FKRP: variants seen among roughly 807,000 people sequenced by gnomAD.
FKRP encodes ribitol 5-phosphate transferase FKRP.
In FKRP, 25 loss-of-function variants were observed where a neutral mutation model predicts 30.6. The ratio of observed to expected loss-of-function variants is 0.82; its 90% CI spans 0.60 to 1.14. The LOEUF is 1.14. FKRP is among the 50% of genes most tolerant of loss of function. FKRP has a pLI of 0.00. For synonymous variants in FKRP, 358 were observed against 342.5 expected, an observed-to-expected ratio of 1.05 and a Z score of -0.50; for missense variants, 771 against 727.8, an observed-to-expected ratio of 1.06 and a Z score of -0.68.
chr19:46,756,761 G>T lies in FKRP; in HGVS notation c.1311G>T (p.Gln437His). Residue 437 changes from glutamine to histidine, a missense_variant, in exon 4 of 4, where the codon CAG becomes CAT. Physicochemically the swap from Gln to His is conservative, Grantham distance 24. Coordinates refer to ENST00000318584, the MANE Select transcript of FKRP (RefSeq NM_024301.5). The surrounding 1 kb of genome is among the most constrained non-coding windows in gnomAD (Gnocchi z 6.6). Reference protein sequence around the residue: ...MTKDTWLDHRQDVEFPEHFLQ... With the variant: ...MTKDTWLDHRHDVEFPEHFLQ... Reference sequence around the variant, plus strand: ...AGGACACGTGGCTGGACCACCGGCAGGATGTGGAGTTTCCCGAGCACTTCC... The same window carrying T: ...AGGACACGTGGCTGGACCACCGGCATGATGTGGAGTTTCCCGAGCACTTCC... 1 of 1,605,936 alleles carries T rather than the reference G, an allele frequency of 6.2e-7. No individual in the cohort carries two copies. Among genetic ancestry groups the T allele is most frequent in the Non-Finnish European group, 8.5e-7 (1 of 1,176,680 alleles).
At chr19:46,747,417 G>C (rs1408096765) in intron 1 of FKRP, 3 of 128,798 alleles carry the variant, frequency 2.3e-5, no homozygotes, top group African/African-American at 9.1e-5. Context: ...TTTTGAGACA[G>C]AGTGTAACTC....
chr19:46,756,240 C>T lies in FKRP; in HGVS notation c.790C>T (p.Arg264Trp). 2 of 1,442,090 alleles carry T rather than the reference C, an allele frequency of 1.4e-6. No individual in the cohort carries two copies. The highest frequency in any genetic ancestry group is 9.1e-7 in the Non-Finnish European group (1 of 1,103,298). The allele number at this position is 1,442,090 out of a possible 1,614,324, so 89.3% of individuals were successfully genotyped here. ...GAAGGCTGAGCGCGAGGGACGCGCT[C>T]GGCGGGCGGCGCTGCTCCGCGCGCT... ...RWKAEREGRARRAALLRALGI... is the reference protein window; with the variant it reads ...RWKAEREGRAWRAALLRALGI... The change falls in exon 4 of 4, where the codon CGG (arginine) becomes TGG (tryptophan). Residue 264 changes from arginine to tryptophan, a missense_variant. Physicochemically the swap from Arg to Trp is moderately radical, Grantham distance 101. Coordinates refer to ENST00000318584, the MANE Select transcript of FKRP (RefSeq NM_024301.5). The surrounding 1 kb of genome is among the most constrained non-coding windows in gnomAD (Gnocchi z 6.6).
At chr19:46,746,171 T>C in intron 1 of FKRP, 81 bp downstream of exon 1, 1 of 1,532,660 alleles carries the variant, frequency 6.5e-7, no homozygotes, top group Non-Finnish European at 8.7e-7. Context: ...GCGCTCGGCC[T>C]CCCAGCGGGC....
chr19:46,757,023 T>C lies in FKRP; in HGVS notation c.*85T>C. ...GTGAGCGGTGAGGGGTGGAGGGATG[T>C]CGCGGAGAGGGGAAGGGGGAAACTG... On this transcript the variant is annotated 3_prime_UTR_variant, in exon 4 of 4. Coordinates refer to ENST00000318584, the MANE Select transcript of FKRP (RefSeq NM_024301.5). 6.5e-7 allele frequency: 1 copy of C among 1,548,056 alleles called. No individual in the cohort carries two copies. The highest frequency in any genetic ancestry group is 8.8e-7 in the Non-Finnish European group (1 of 1,131,226).
chr19:46,753,118 C>T (rs373773792), intron 3 of FKRP, among the ~76,000 whole-genome samples: 5 of 145,104 alleles, frequency 3.4e-5, no homozygotes, highest in Admixed American at 6.9e-5. Flanking sequence ...GTGAGCCAGT[C>T]GCACCACCGC....
chr19:46,756,748 T>C lies in FKRP; in HGVS notation c.1298T>C (p.Leu433Pro), dbSNP rs766343049. The C allele has an allele frequency of 1.9e-6, 3 of 1,607,838 alleles. No individual in the cohort carries two copies. The highest frequency in any genetic ancestry group is 1.3e-5 in the African/African-American group (1 of 74,840). Residue 433 changes from leucine (L) to proline (P), a missense_variant, in exon 4 of 4, where the codon CTG becomes CCG. Physicochemically the swap from Leu to Pro is moderately conservative, Grantham distance 98. Transcript: ENST00000318584. This position sits in a 1 kb window ranked among gnomAD's most constrained non-coding sequence, Gnocchi z 6.6. ...GGCGTCATGACCAAGGACACGTGGC[T>C]GGACCACCGGCAGGATGTGGAGTTT... ...RNGVMTKDTW[L>P]DHRQDVEFPE...
At chr19:46,754,040 C>G (rs913840770) in intron 3 of FKRP, 1 of 152,158 alleles carries the variant, frequency 6.6e-6, no homozygotes, top group South Asian at 2.1e-4. Flanking sequence ...TCTTTTGATG[C>G]AAGCTACCCC....
Position 46,756,507 on chromosome 19 carries a change from C to T in FKRP, c.1057C>T (p.His353Tyr), listed in dbSNP as rs1468465064. 1 of 1,580,802 alleles carries T rather than the reference C, an allele frequency of 6.3e-7. No individual in the cohort carries two copies. Among genetic ancestry groups the T allele is most frequent in the Admixed American group, 1.9e-5 (1 of 52,944 alleles). Reference sequence around the variant, plus strand: ...CGGCTCACTGCTGGGGGCCGCCCGCCACGGGGACATCATCCCATGGGACTA... The same window carrying T: ...CGGCTCACTGCTGGGGGCCGCCCGCTACGGGGACATCATCCCATGGGACTA... The part of the protein sequence containing the change: ...EGGSLLGAAR[H>Y]GDIIPWDYDV... Residue 353 changes from histidine (H) to tyrosine (Y), a missense_variant, in exon 4 of 4, where the codon CAC (histidine) becomes TAC (tyrosine). Coordinates refer to ENST00000318584, the MANE Select transcript of FKRP (RefSeq NM_024301.5). The surrounding 1 kb of genome is among the most constrained non-coding windows in gnomAD (Gnocchi z 6.6).
rs104894683 is a variant in FKRP at position 46,755,685 on chromosome 19, G to A, written c.235G>A (p.Val79Met). The part of the protein sequence containing the change: ...SFLQQDPAQP[V>M]VVAADTLPYP... ...CCTGCAGCAAGACCCAGCCCAGCCC[G>A]TGGTGGTGGCAGCCGACACGCTCCC... The change falls in exon 4 of 4, where the codon GTG becomes ATG. Residue 79 changes from valine (V) to methionine (M), a missense_variant. Transcript: ENST00000318584. The A allele has an allele frequency of 7.7e-4, 1,223 of 1,590,552 alleles. 3 individuals are homozygous for A. In the African/African-American group the frequency reaches 0.015, roughly 19 times the overall value.
chr19:46,756,817 G>A lies in FKRP; in HGVS notation c.1367G>A (p.Gly456Asp), dbSNP rs772959356. Residue 456 changes from glycine (G) to aspartate (D), a missense_variant, in exon 4 of 4, where the codon GGC becomes GAC. Physicochemically the swap from Gly to Asp is moderately conservative, Grantham distance 94 (BLOSUM62 -1). Coordinates refer to ENST00000318584, the MANE Select transcript of FKRP (RefSeq NM_024301.5). The surrounding 1 kb of genome is among the most constrained non-coding windows in gnomAD (Gnocchi z 6.6). ...LQPLVPLPFA[G>D]FVAQAPNNYR... ...CCGCTGGTGCCCCTGCCCTTTGCCGGCTTCGTGGCGCAGGCGCCTAACAAC... is the reference window on the plus strand; with the variant it reads ...CCGCTGGTGCCCCTGCCCTTTGCCGACTTCGTGGCGCAGGCGCCTAACAAC... 3 of 1,598,636 alleles carry A rather than the reference G, an allele frequency of 1.9e-6. No homozygotes were observed. In the South Asian group the frequency reaches 3.4e-5, roughly 18 times the overall value.
rs930317962 is a variant in FKRP, at chr19:46,757,177, G to A, written c.*239G>A. 6.4e-6 allele frequency: 4 copies of A among 620,626 alleles called. No homozygotes were observed. Among genetic ancestry groups the A allele is most frequent in the Non-Finnish European group, 1.2e-5 (4 of 340,732 alleles). 38.4% of individuals were successfully genotyped at this position (620,626 alleles called of 1,614,324 possible). On this transcript the variant is annotated 3_prime_UTR_variant, in exon 4 of 4. Coordinates refer to ENST00000318584, the MANE Select transcript of FKRP (RefSeq NM_024301.5). ...CATGCCCACTGGGAGCCGTGGATAT[G>A]CGTGGGGACATCCTGGGTCATCTCA...
chr19:46,745,210 C>G (rs957081277), upstream of FKRP, among the ~76,000 whole-genome samples: 1 of 152,086 alleles, frequency 6.6e-6, no homozygotes, highest in Non-Finnish European at 1.5e-5. Flanking sequence ...GTTCAGGGCT[C>G]TCTACCTACA....
chr19:46,756,248 G>T lies in FKRP; in HGVS notation c.798G>T (p.Ala266=). The part of the protein sequence containing the change: ...KAEREGRARR[A]ALLRALGIRL... Reference sequence around the variant, plus strand: ...AGCGCGAGGGACGCGCTCGGCGGGCGGCGCTGCTCCGCGCGCTGGGCATCC... The same window carrying T: ...AGCGCGAGGGACGCGCTCGGCGGGCTGCGCTGCTCCGCGCGCTGGGCATCC... Residue 266 remains alanine, a synonymous_variant, in exon 4 of 4, where the codon GCG becomes GCT. Coordinates refer to ENST00000318584, the MANE Select transcript of FKRP (RefSeq NM_024301.5). The surrounding 1 kb of genome is among the most constrained non-coding windows in gnomAD (Gnocchi z 6.6). The T allele has an allele frequency of 6.9e-7, 1 of 1,453,236 alleles. No homozygotes were observed. Among genetic ancestry groups the T allele is most frequent in the South Asian group, 1.4e-5 (1 of 72,618 alleles). 90.0% of individuals were successfully genotyped at this position (1,453,236 alleles called of 1,614,324 possible).
chr19:46,751,926 G>C (rs1424637374), intron 3 of FKRP, among the ~76,000 whole-genome samples: 1 of 152,132 alleles, frequency 6.6e-6, no homozygotes, highest in Non-Finnish European at 1.5e-5. Flanking sequence ...AGGTGACATT[G>C]GAGTGATGGG....
At chr19:46,751,506 G>C (rs1336393649) in intron 3 of FKRP, among the ~76,000 whole-genome samples, 1 of 151,228 alleles carries the variant, frequency 6.6e-6, no homozygotes, top group East Asian at 1.9e-4. Context: ...AGCCTCCCAA[G>C]TAGCTGGGAT....
rs727502844 is a variant in FKRP at position 46,756,892 on chromosome 19, C to A, written c.1442C>A (p.Pro481His). Reference sequence around the variant, plus strand: ...TTCGGGCCCGGGGTCATCGAGAACCCCCAGTACCCCAACCCGGCACTGCTG... The same window carrying A: ...TTCGGGCCCGGGGTCATCGAGAACCACCAGTACCCCAACCCGGCACTGCTG... ...LKFGPGVIEN[P>H]QYPNPALLSL... The change falls in exon 4 of 4, where the codon CCC (proline) becomes CAC (histidine). Residue 481 changes from proline to histidine, a missense_variant. By Grantham distance (77) the Pro-to-His change is moderately conservative (BLOSUM62 -2). Transcript: ENST00000318584. The surrounding 1 kb of genome is among the most constrained non-coding windows in gnomAD (Gnocchi z 6.6). The A allele has an allele frequency of 3.1e-6, 5 of 1,612,934 alleles. No homozygotes were observed. The highest frequency in any genetic ancestry group is 1.7e-4 in the Middle Eastern group (1 of 6,044).
chr19:46,753,162 C>CAA (rs879468829), intron 3 of FKRP, among the ~76,000 whole-genome samples: 1 of 132,326 alleles, frequency 7.6e-6, no homozygotes. Flanking sequence ...GACTCCGTCT[C>CAA]AAAAAAAAAA....
In FKRP at chr19:46,758,417, T is replaced by G. The variant is rs1054143255; in HGVS notation, c.*1479T>G. On this transcript the variant is annotated 3_prime_UTR_variant, in exon 4 of 4. Transcript: ENST00000318584. ...TATTCCCAATATGTGTATATTTATTTATAAATATATACAGATACTATTATC... is the reference window on the plus strand; with the variant it reads ...TATTCCCAATATGTGTATATTTATTGATAAATATATACAGATACTATTATC... The G allele has an allele frequency of 4.8e-5, 8 of 167,012 alleles. No individual in the cohort carries two copies. The highest frequency in any genetic ancestry group is 1.7e-4 in the African/African-American group (7 of 41,418). The allele number at this position is 167,012 out of a possible 1,614,324, so 10.3% of individuals were successfully genotyped here.
rs1394613619 is a variant in FKRP at position 46,756,969 on chromosome 19, G to A, written c.*31G>A. 6.2e-7 allele frequency: 1 copy of A among 1,610,788 alleles called. No homozygotes were observed. The highest frequency in any genetic ancestry group is 8.5e-7 in the Non-Finnish European group (1 of 1,179,040). ...TGATAACCTCGCCTTTGTTTTTCGG[G>A]GGTCTGTCTGGATGTGGAGAAGCTC... is the stretch of plus-strand genomic sequence containing the variant. On this transcript the variant is annotated 3_prime_UTR_variant, in exon 4 of 4. Coordinates refer to ENST00000318584, the MANE Select transcript of FKRP (RefSeq NM_024301.5). The surrounding 1 kb of genome is among the most constrained non-coding windows in gnomAD (Gnocchi z 6.6).
Sources: gnomAD v4.1 joint callset for allele counts (sites outside exome capture counted in the v4.1 genomes callset) on GRCh38, gnomAD v4.1.1 for gene constraint, Gnocchi (gnomAD v3.1) non-coding constraint, MANE v1.5 for transcripts, NCBI Gene and HGNC (gene_info 2026-07-23, HGNC 2026-07-21) for gene names.